The following NKAIN2 variants were observed in gnomAD, a reference collection of about 807,000 sequenced individuals.
NKAIN2 encodes the protein sodium/potassium-transporting ATPase subunit beta-1-interacting protein 2.
In NKAIN2, 14 loss-of-function variants were observed where a neutral mutation model predicts 32.6. The observed-to-expected ratio is 0.43, with a 90% CI of 0.28 to 0.67. The LOEUF (loss-of-function observed/expected upper bound fraction) is 0.67, where lower values mean the gene tolerates loss of function less well. Among genes scored for constraint, NKAIN2 ranks in the 30% least tolerant of loss-of-function variants. NKAIN2 has a pLI of 0.17. For synonymous variants in NKAIN2, 80 were observed against 87.2 expected (o/e 0.92, Z 0.46); for missense variants, 198 against 258.3 (o/e 0.77, Z 1.60).
rs188286794 is a variant in NKAIN2 at position 124,538,241 on chromosome 6, A to T, written c.274-119945A>T. On this transcript the variant is annotated intron_variant, in intron 3 of 6. Transcript: ENST00000368417. ...ATTCACCTTTTAATTTATTATTATT[A>T]TTTTTTTTGGTAAGTATCTGTAGGG... Among the ~76,000 whole-genome samples, 248 of 150,632 alleles carry T rather than the reference A, an allele frequency of 1.6e-3. 1 individual carries two copies. Among genetic ancestry groups the T allele is most frequent in the African/African-American group, 2.7e-3 (112 of 41,000 alleles).
At chr6:124,458,567 T>C (rs1306750214) in intron 3 of NKAIN2, among the ~76,000 whole-genome samples, 4 of 151,866 alleles carry the variant, frequency 2.6e-5, no homozygotes, top group Non-Finnish European at 5.9e-5. Flanking sequence ...TAATCGGTCT[T>C]AAATTATGCT....
intron 1 of NKAIN2, among the ~76,000 whole-genome samples, chr6:124,254,391 A>G (rs1271591650): frequency 6.6e-6 from 1 of 152,238 alleles, no homozygotes; most frequent in Non-Finnish European, 1.5e-5. Flanking sequence ...TGTTTTATGA[A>G]GAGACTGGCT....
At chr6:124,189,687 TA>T (rs993953004) in intron 1 of NKAIN2, among the ~76,000 whole-genome samples, 1 of 151,948 alleles carries the variant, frequency 6.6e-6, no homozygotes, top group Admixed American at 6.5e-5. Flanking sequence ...TCTCAAAAAA[TA>T]AAAATAAAAA....
intron 3 of NKAIN2, among the ~76,000 whole-genome samples, chr6:124,455,712 A>G (rs1414146588): frequency 2.0e-5 from 3 of 151,846 alleles, no homozygotes; most frequent in Non-Finnish European, 4.4e-5. Context: ...GCTAATCCCA[A>G]TCCTCAGAAT....
intron 3 of NKAIN2, among the ~76,000 whole-genome samples, chr6:124,421,074 T>TAAAAAAAA (rs35625714): frequency 7.5e-6 from 1 of 133,728 alleles, no homozygotes; most frequent in Non-Finnish European, 1.6e-5. Flanking sequence ...CTGTCAAAAT[T>TAAAAAAAA]AAAAAAAAAA....
chr6:124,596,379 C>T (rs935899726), intron 3 of NKAIN2, among the ~76,000 whole-genome samples: 5 of 152,136 alleles, frequency 3.3e-5, no homozygotes, highest in African/African-American at 9.7e-5. Flanking sequence ...GAGAGGAATA[C>T]TGTGTGAGAG....
intron 1 of NKAIN2, among the ~76,000 whole-genome samples, chr6:124,028,734 C>T (rs1562317012): frequency 2.1e-5 from 3 of 142,738 alleles, no homozygotes; most frequent in East Asian, 2.0e-4. Flanking sequence ...TACGTGTATA[C>T]ACGTATATAT....
At chr6:124,499,840 A>G (rs555796419) in intron 3 of NKAIN2, among the ~76,000 whole-genome samples, 1 of 152,336 alleles carries the variant, frequency 6.6e-6, no homozygotes, top group South Asian at 2.1e-4. Context: ...GGCATTAATG[A>G]TACTTCATAT....
At chr6:124,268,631 T>G (rs565629369) in intron 1 of NKAIN2, among the ~76,000 whole-genome samples, 1 of 151,908 alleles carries the variant, frequency 6.6e-6, no homozygotes, top group Non-Finnish European at 1.5e-5. Context: ...ATATGATGAG[T>G]TCATGGAACT....
intron 1 of NKAIN2, among the ~76,000 whole-genome samples, chr6:123,899,530 G>A (rs894510249): frequency 6.6e-6 from 1 of 152,194 alleles, no homozygotes; most frequent in East Asian, 1.9e-4. Flanking sequence ...TGGATTTGTC[G>A]AGAAAACTAG....
chr6:124,157,222 G>T (rs1334026646), intron 1 of NKAIN2, among the ~76,000 whole-genome samples: 1 of 148,010 alleles, frequency 6.8e-6, no homozygotes, highest in Non-Finnish European at 1.5e-5. Flanking sequence ...AATTATGTAT[G>T]GGACACGGTG....
intron 1 of NKAIN2, among the ~76,000 whole-genome samples, chr6:124,252,608 G>A (rs1337930829): frequency 6.6e-6 from 1 of 151,898 alleles, no homozygotes; most frequent in African/African-American, 2.4e-5. Context: ...ATGTATGTGT[G>A]TAAATATATA....
intron 1 of NKAIN2, among the ~76,000 whole-genome samples, chr6:123,976,420 AAGAG>A: frequency 1.4e-5 from 1 of 70,948 alleles, no homozygotes; most frequent in African/African-American, 4.5e-5. Context: ...TATATATGGA[AAGAG>A]AGAGAGAAAG....
At chr6:124,779,247 AAG>A (rs71024703) in intron 4 of NKAIN2, among the ~76,000 whole-genome samples, 5,859 of 75,114 alleles carry the variant, frequency 0.078, 446 homozygotes, top group African/African-American at 0.21. Flanking sequence ...CCAACAAAGA[AAG>A]AGAGAGAGAG....
At chr6:124,008,065 C>T (rs992811959) in intron 1 of NKAIN2, among the ~76,000 whole-genome samples, 1 of 152,136 alleles carries the variant, frequency 6.6e-6, no homozygotes, top group Non-Finnish European at 1.5e-5. Flanking sequence ...TCTTGCTGGC[C>T]TTGCTGACCC....
At chr6:124,034,883 A>AT (rs1264489651) in intron 1 of NKAIN2, among the ~76,000 whole-genome samples, 1 of 151,818 alleles carries the variant, frequency 6.6e-6, no homozygotes, top group East Asian at 1.9e-4. Context: ...GATGTTGAGC[A>AT]TTTTTTCATG....
intron 1 of NKAIN2, among the ~76,000 whole-genome samples, chr6:124,062,621 G>A (rs977331152): frequency 3.9e-5 from 6 of 152,050 alleles, no homozygotes; most frequent in Non-Finnish European, 8.8e-5. Flanking sequence ...TAGAGACAGG[G>A]TATTGCCATG....
At chr6:124,236,462 A>G (rs1236522083) in intron 1 of NKAIN2, among the ~76,000 whole-genome samples, 1 of 152,170 alleles carries the variant, frequency 6.6e-6, no homozygotes, top group Non-Finnish European at 1.5e-5. Context: ...TGGGAACAAT[A>G]TGAGTGATGA....
intron 2 of NKAIN2, among the ~76,000 whole-genome samples, chr6:124,293,813 C>T (rs563388268): frequency 1.4e-4 from 22 of 152,050 alleles, no homozygotes; most frequent in East Asian, 5.8e-4. Flanking sequence ...AGAAAAGTGA[C>T]GACAGATAAT....
Sources: allele counts gnomAD v4.1 joint callset (sites outside exome capture counted in the v4.1 genomes callset), GRCh38; gene constraint gnomAD v4.1.1; transcripts MANE v1.5; gene names NCBI Gene and HGNC (gene_info 2026-07-23, HGNC 2026-07-21).